Variants in CMIP observed in about 807,000 individuals in gnomAD.
The protein encoded by CMIP is c-Maf inducing protein, also known as C-Maf-inducing protein.
In CMIP, 13 loss-of-function variants were observed where a neutral mutation model predicts 97.3. The ratio of observed to expected loss-of-function variants is 0.13; its 90% CI spans 0.09 to 0.21. CMIP has a LOEUF of 0.21. CMIP is among the 10% of genes least tolerant of loss of function. The probability of loss-of-function intolerance (pLI) is 1.00; values close to 1 mark genes in which losing one functional copy is unlikely to be tolerated. For missense variants in CMIP, 847 were observed against 1,024.9 expected (o/e 0.83, Z 2.37); for synonymous variants, 538 against 436.3 (o/e 1.23, Z -2.91).
chr16:81,493,974 C>A (rs548675942), intron 1 of CMIP, among the ~76,000 whole-genome samples: 2 of 152,150 alleles, frequency 1.3e-5, no homozygotes, highest in Non-Finnish European at 1.5e-5. Flanking sequence ...ATTTATTAGC[C>A]GTTTTTTTAA....
At chr16:81,597,646 G>A (rs1297730634) in intron 1 of CMIP, among the ~76,000 whole-genome samples, 1 of 151,964 alleles carries the variant, frequency 6.6e-6, no homozygotes, top group Non-Finnish European at 1.5e-5. Flanking sequence ...AGCAGGGGGC[G>A]GGACACCTGC....
chr16:81,652,902 G>A lies in CMIP; in HGVS notation c.639+538G>A, dbSNP rs907588009. Among the ~76,000 whole-genome samples the A allele has an allele frequency of 2.0e-5, 3 of 152,192 alleles. No homozygotes were observed. Among genetic ancestry groups the A allele is most frequent in the South Asian group, 4.1e-4 (2 of 4,828 alleles). ...TGCCATCTGCTTTGCTGGCCTCCTC[G>A]CATATTGAATGTGTGCTTTGTGCCA... is the stretch of plus-strand genomic sequence containing the variant. On this transcript the variant is annotated intron_variant, in intron 4 of 20. Transcript: ENST00000537098. This position sits in a 1 kb window ranked among gnomAD's most constrained non-coding sequence, Gnocchi z 5.2.
Position 81,678,373 on chromosome 16 carries a change from C to T in CMIP, c.1133C>T (p.Pro378Leu), listed in dbSNP as rs1161283255. The T allele has an allele frequency of 3.1e-6, 5 of 1,612,480 alleles. No homozygotes were observed. The highest frequency in any genetic ancestry group is 1.1e-5 in the South Asian group (1 of 90,744). Residue 378 changes from proline to leucine, a missense_variant, in exon 10 of 21, where the codon CCG (proline) becomes CTG (leucine). By Grantham distance (98) the Pro-to-Leu change is moderately conservative (BLOSUM62 -3). Transcript: ENST00000537098. The stretch of plus-strand genomic sequence containing the variant: ...CCTCTGCGCCTTCTGCACCCCAGCC[C>T]GGACCTGGTGTCTCAGGAAGCCACG... ...TLPLRLLHPS[P>L]DLVSQEATLS... is the part of the protein sequence containing the mutation.
At chr16:81,572,889 C>T (rs1320974876) in intron 1 of CMIP, among the ~76,000 whole-genome samples, 2 of 152,202 alleles carry the variant, frequency 1.3e-5, no homozygotes, top group South Asian at 2.1e-4. Flanking sequence ...CCCAGGAACC[C>T]CCTCCGTCTC....
At chr16:81,543,378 C>T (rs1049568036) in intron 1 of CMIP, among the ~76,000 whole-genome samples, 1 of 152,158 alleles carries the variant, frequency 6.6e-6, no homozygotes, top group Non-Finnish European at 1.5e-5. Context: ...CATACCCACC[C>T]CTGTAGCTGG....
chr16:81,685,755 G>T (rs1431724215), intron 10 of CMIP, among the ~76,000 whole-genome samples: 1 of 150,060 alleles, frequency 6.7e-6, no homozygotes, highest in African/African-American at 2.5e-5. Context: ...TTAGAGATGG[G>T]ATCTCTTTAT....
Position 81,652,089 on chromosome 16 carries a change from G to A in CMIP, c.478-114G>A, listed in dbSNP as rs933799053. ...TTATAAACGGGGACTGGGCCAAGTT[G>A]TCAGTTTCTCAGGGCCCTTTACACC... On this transcript the variant is annotated intron_variant, in intron 3 of 20. Coordinates refer to ENST00000537098, the MANE Select transcript of CMIP (RefSeq NM_198390.3). The surrounding 1 kb of genome is among the most constrained non-coding windows in gnomAD (Gnocchi z 5.2). 4 of 778,848 alleles carry A rather than the reference G, an allele frequency of 5.1e-6. No homozygotes were observed. The South Asian group carries it at 5.3e-5, about 10-fold the overall frequency. 48.2% of individuals were successfully genotyped at this position (778,848 alleles called of 1,614,324 possible).
At chr16:81,685,991 C>T (rs1288256886) in intron 10 of CMIP, among the ~76,000 whole-genome samples, 4 of 152,216 alleles carry the variant, frequency 2.6e-5, no homozygotes, top group African/African-American at 9.7e-5. Context: ...GTTCAGATCC[C>T]AGCTCTCACC....
intron 1 of CMIP, among the ~76,000 whole-genome samples, chr16:81,560,831 C>T (rs926151282): frequency 6.6e-6 from 1 of 152,070 alleles, no homozygotes; most frequent in African/African-American, 2.4e-5. Context: ...GGTTTGTAGC[C>T]CAGCCATAGG....
intron 1 of CMIP, among the ~76,000 whole-genome samples, chr16:81,472,597 C>G (rs146388939): frequency 6.6e-6 from 1 of 152,220 alleles, no homozygotes; most frequent in East Asian, 1.9e-4. Context: ...TGAGCATTCA[C>G]TGGGGGTGGC....
intron 1 of CMIP, chr16:81,519,353 C>G: frequency 6.6e-6 from 1 of 152,336 alleles, no homozygotes; most frequent in South Asian, 2.1e-4. Flanking sequence ...TTTGCTAGTA[C>G]TTGCTAAGCT....
At chr16:81,477,444 A>T (rs1907995522) in intron 1 of CMIP, among the ~76,000 whole-genome samples, 1 of 152,144 alleles carries the variant, frequency 6.6e-6, no homozygotes, top group African/African-American at 2.4e-5. Flanking sequence ...TACAGGCGTG[A>T]GCCACCGCAC....
At chr16:81,539,322 G>A (rs138702162) in intron 1 of CMIP, among the ~76,000 whole-genome samples, 29 of 152,316 alleles carry the variant, frequency 1.9e-4, no homozygotes, top group African/African-American at 6.5e-4. Context: ...GGCGTCCTTG[G>A]GGGTGGAGGA....
At chr16:81,547,375 A>AC (rs758460629) in intron 1 of CMIP, among the ~76,000 whole-genome samples, 1 of 151,552 alleles carries the variant, frequency 6.6e-6, no homozygotes, top group Admixed American at 6.6e-5. Context: ...CTGCAGAAAG[A>AC]CCCCCGCTCC....
chr16:81,532,551 C>T (rs151115465), intron 1 of CMIP, among the ~76,000 whole-genome samples: 5 of 152,276 alleles, frequency 3.3e-5, no homozygotes, highest in African/African-American at 4.8e-5. Context: ...CGCTCAGTCT[C>T]GCCACCACAG....
intron 1 of CMIP, among the ~76,000 whole-genome samples, chr16:81,480,119 G>A (rs1351771944): frequency 6.6e-6 from 1 of 152,242 alleles, no homozygotes; most frequent in African/African-American, 2.4e-5. Flanking sequence ...TAACATGAGA[G>A]TGAGTGGTAG....
At chr16:81,474,747 G>A (rs1455535342) in intron 1 of CMIP, among the ~76,000 whole-genome samples, 1 of 152,226 alleles carries the variant, frequency 6.6e-6, no homozygotes, top group Non-Finnish European at 1.5e-5. Flanking sequence ...CCTCTCCTCT[G>A]GTCCTGCCTC....
intron 1 of CMIP, among the ~76,000 whole-genome samples, chr16:81,472,988 G>A (rs17674099): frequency 0.025 from 3,734 of 152,284 alleles, 69 homozygotes; most frequent in Middle Eastern, 0.088. Flanking sequence ...GAGCCTGTTC[G>A]CCTTGCATCC....
At position 81,710,414 on chromosome 16, in the gene CMIP, C is replaced by A. The variant is rs1050501523; in HGVS notation, c.*615C>A. 6.5e-6 allele frequency: 1 copy of A among 152,872 alleles called. No individual in the cohort carries two copies. The highest frequency in any genetic ancestry group is 2.5e-5 in the African/African-American group (1 of 40,534). The allele number at this position is 152,872 out of a possible 1,614,324, so 9.5% of individuals were successfully genotyped here. Reference sequence around the variant, plus strand: ...TTTATGAAGTCTTTGACCGTCCCCCCCGCCCGACCCCACCGCCCTCCCGCC... The same window carrying A: ...TTTATGAAGTCTTTGACCGTCCCCCACGCCCGACCCCACCGCCCTCCCGCC... On this transcript the variant is annotated 3_prime_UTR_variant, in exon 21 of 21. Coordinates refer to ENST00000537098, the MANE Select transcript of CMIP (RefSeq NM_198390.3).
Sources: allele counts gnomAD v4.1 joint callset (sites outside exome capture counted in the v4.1 genomes callset), GRCh38; gene constraint gnomAD v4.1.1; non-coding constraint Gnocchi (gnomAD v3.1); transcripts MANE v1.5; gene names NCBI Gene and HGNC (gene_info 2026-07-23, HGNC 2026-07-21).